TM9SF2: variants seen among roughly 807,000 people sequenced by gnomAD.
TM9SF2 encodes transmembrane 9 superfamily member 2.
In TM9SF2, 13 loss-of-function variants were observed where a neutral mutation model predicts 84.9. That is an observed-to-expected ratio of 0.15 (90% confidence interval 0.10 to 0.24). TM9SF2 has a LOEUF of 0.24. Ranked by LOEUF, TM9SF2 falls within the 10% of genes least tolerant of loss-of-function variation. TM9SF2 has a pLI of 1.00. For missense variants in TM9SF2, 562 were observed against 818.5 expected, an observed-to-expected ratio of 0.69 and a Z score of 3.82; for synonymous variants, 273 against 285.8, an observed-to-expected ratio of 0.96 and a Z score of 0.45.
intron 1 of TM9SF2, among the ~76,000 whole-genome samples, chr13:99,505,967 G>C (rs765165469): frequency 9.2e-5 from 14 of 152,190 alleles, no homozygotes; most frequent in Non-Finnish European, 1.9e-4. Context: ...GAAAGATTAA[G>C]ATTTTTTTTC....
chr13:99,552,440 C>G, intron 13 of TM9SF2, 114 bp downstream of exon 13: 1 of 1,053,438 alleles, frequency 9.5e-7, no homozygotes, highest in Admixed American at 2.6e-5. Flanking sequence ...CCTTTAGGAT[C>G]TGGATTTCAT....
chr13:99,556,848 C>A (rs1003229295), intron 15 of TM9SF2, among the ~76,000 whole-genome samples: 14 of 152,064 alleles, frequency 9.2e-5, no homozygotes, highest in Non-Finnish European at 1.8e-4. Context: ...GGCCTCCCAA[C>A]GTGCTGGGAT....
chr13:99,514,575 G>C (rs1221602149), intron 1 of TM9SF2, among the ~76,000 whole-genome samples: 1 of 152,170 alleles, frequency 6.6e-6, no homozygotes, highest in African/African-American at 2.4e-5. Context: ...CTAATAACAC[G>C]TTTCTCCAAA....
At position 99,501,698 on chromosome 13, in the gene TM9SF2, G is replaced by T. The variant is rs770796733; in HGVS notation, c.92G>T (p.Arg31Leu). Residue 31 changes from arginine to leucine, a missense_variant, in exon 1 of 17, where the codon CGC becomes CTC. Physicochemically the swap from Arg to Leu is moderately radical, Grantham distance 102. This residue lies in a region of TM9SF2 where 267 missense variants were observed against 316.7 expected (regional missense o/e 0.84). Transcript: ENST00000376387. ...LLLLGAVPGP[R>L]RSGAFYLPGL... Reference sequence around the variant, plus strand: ...CTGCTGGGGGCGGTTCCTGGCCCGCGCCGGAGCGGCGCTTTCTACCTGCCC... The same window carrying T: ...CTGCTGGGGGCGGTTCCTGGCCCGCTCCGGAGCGGCGCTTTCTACCTGCCC... The T allele has an allele frequency of 1.9e-6, 3 of 1,611,792 alleles. No individual in the cohort carries two copies. In the South Asian group the frequency reaches 3.3e-5, roughly 18 times the overall value.
At position 99,501,553 on chromosome 13, in the gene TM9SF2, C is replaced by A; in HGVS notation, c.-54C>A. 6.3e-7 allele frequency: 1 copy of A among 1,583,242 alleles called. No homozygotes were observed. Among genetic ancestry groups the A allele is most frequent in the Non-Finnish European group, 8.6e-7 (1 of 1,164,622 alleles). On this transcript the variant is annotated 5_prime_UTR_variant, in exon 1 of 17. Transcript: ENST00000376387. ...TAGTCGTCTCCGAGACTCCCCACCC[C>A]TCCTTCCCTCTTGACCCCCTAGGTT...
chr13:99,518,210 C>G (rs1315077700), intron 2 of TM9SF2, among the ~76,000 whole-genome samples: 1 of 152,202 alleles, frequency 6.6e-6, no homozygotes, highest in Non-Finnish European at 1.5e-5. Context: ...CTCCCGCGTT[C>G]AGGCGAATCT....
At chr13:99,505,970 T>A (rs139971692) in intron 1 of TM9SF2, among the ~76,000 whole-genome samples, 1 of 152,318 alleles carries the variant, frequency 6.6e-6, no homozygotes, top group East Asian at 1.9e-4. Context: ...AGATTAAGAT[T>A]TTTTTTCCTT....
chr13:99,542,047 A>T (rs1361733965), intron 9 of TM9SF2, among the ~76,000 whole-genome samples: 1 of 151,470 alleles, frequency 6.6e-6, no homozygotes, highest in African/African-American at 2.4e-5. Context: ...CTACCTCGGG[A>T]GGCTGAGGCA....
At chr13:99,504,622 C>T (rs76892638) in intron 1 of TM9SF2, among the ~76,000 whole-genome samples, 10,412 of 152,232 alleles carry the variant, frequency 0.068, 515 homozygotes, top group Admixed American at 0.13. Flanking sequence ...TAGTAATTTT[C>T]TCTCTTTAAA....
chr13:99,542,343 TTTTA>T (rs1486144491), intron 9 of TM9SF2, among the ~76,000 whole-genome samples: 2 of 152,180 alleles, frequency 1.3e-5, no homozygotes, highest in Non-Finnish European at 2.9e-5. Flanking sequence ...CCTAAGCAAT[TTTTA>T]TTTGTGTGGT....
At chr13:99,544,889 T>C (rs1285175872) in intron 10 of TM9SF2, among the ~76,000 whole-genome samples, 2 of 152,176 alleles carry the variant, frequency 1.3e-5, no homozygotes, top group African/African-American at 4.8e-5. Flanking sequence ...TTTTTTTAAA[T>C]AAATGTTCCT....
chr13:99,539,071 G>A (rs2046246690), intron 6 of TM9SF2, among the ~76,000 whole-genome samples: 1 of 150,990 alleles, frequency 6.6e-6, no homozygotes, highest in Non-Finnish European at 1.5e-5. Context: ...GGCGTGGGGT[G>A]TGGTGGCACA....
chr13:99,540,007 G>A (rs1166576552), intron 7 of TM9SF2, among the ~76,000 whole-genome samples: 1 of 152,070 alleles, frequency 6.6e-6, no homozygotes, highest in Non-Finnish European at 1.5e-5. Flanking sequence ...TCATTGTTAT[G>A]AGAATCTTAG....
At chr13:99,553,960 T>C (rs571398884) in intron 13 of TM9SF2, among the ~76,000 whole-genome samples, 1 of 152,352 alleles carries the variant, frequency 6.6e-6, no homozygotes, top group Admixed American at 6.5e-5. Flanking sequence ...TTACAGTACA[T>C]GTGTAATGAA....
Position 99,547,069 on chromosome 13 carries a change from C to T in TM9SF2, c.1235C>T (p.Thr412Ile). The change falls in exon 11 of 17, where the codon ACC becomes ATC. Residue 412 changes from threonine to isoleucine, a missense_variant. This residue lies in a region of TM9SF2 where 219 missense variants were observed against 338.1 expected (regional missense o/e 0.65). Coordinates refer to ENST00000376387, the MANE Select transcript of TM9SF2 (RefSeq NM_004800.3). ...CAVVLWVLLG[T>I]PAGYVAARFY... ...GTGGTCCTGTGGGTGCTGCTGGGCACCCCTGCAGGCTATGTTGCTGCCAGA... is the reference window on the plus strand; with the variant it reads ...GTGGTCCTGTGGGTGCTGCTGGGCATCCCTGCAGGCTATGTTGCTGCCAGA... 6.2e-7 allele frequency: 1 copy of T among 1,614,134 alleles called. No homozygotes were observed. The highest frequency in any genetic ancestry group is 8.5e-7 in the Non-Finnish European group (1 of 1,180,022).
At chr13:99,560,114 T>C (rs1215363131) in intron 16 of TM9SF2, among the ~76,000 whole-genome samples, 1 of 152,210 alleles carries the variant, frequency 6.6e-6, no homozygotes, top group Non-Finnish European at 1.5e-5. Flanking sequence ...CAGCCCCGGG[T>C]GCTTGGTAAA....
intron 1 of TM9SF2, among the ~76,000 whole-genome samples, chr13:99,512,280 T>C (rs772653022): frequency 2.0e-5 from 3 of 152,220 alleles, no homozygotes; most frequent in Non-Finnish European, 2.9e-5. Flanking sequence ...CGTGTACTGT[T>C]TTCTATTTTA....
chr13:99,549,298 T>A, intron 12 of TM9SF2, 76 bp downstream of exon 12: 1 of 1,131,426 alleles, frequency 8.8e-7, no homozygotes, highest in Non-Finnish European at 1.3e-6. Context: ...GTTGAGTCTT[T>A]AATCCTCCGT....
intron 4 of TM9SF2, among the ~76,000 whole-genome samples, chr13:99,530,285 G>A (rs1594052497): frequency 6.6e-6 from 1 of 152,188 alleles, no homozygotes; most frequent in Non-Finnish European, 1.5e-5. Context: ...TTAGCCAGGT[G>A]TGGTGATGGG....
Sources: allele counts gnomAD v4.1 joint callset (sites outside exome capture counted in the v4.1 genomes callset), GRCh38; gene constraint gnomAD v4.1.1; regional missense constraint gnomAD v4.1.1; transcripts MANE v1.5; gene names NCBI Gene and HGNC (gene_info 2026-07-23, HGNC 2026-07-21).